LAMA2: variants seen among roughly 807,000 people sequenced by gnomAD.
LAMA2 encodes the protein laminin subunit alpha-2.
A neutral mutation model predicts 364.8 loss-of-function variants in LAMA2; 269 were observed. The ratio of observed to expected loss-of-function variants is 0.74; its 90% CI spans 0.67 to 0.82. The LOEUF is 0.82. LAMA2 is among the 40% of genes least tolerant of loss of function. LAMA2 has a pLI of 0.00. For missense variants in LAMA2, 3,807 were observed against 3,873.2 expected (o/e 0.98, Z 0.45); for synonymous variants, 1,379 against 1,370.6 (o/e 1.01, Z -0.14).
chr6:129,493,142 G>A (rs112672783), intron 58 of LAMA2, among the ~76,000 whole-genome samples: 4 of 152,104 alleles, frequency 2.6e-5, no homozygotes, highest in African/African-American at 7.2e-5. Flanking sequence ...GCAACAGAGC[G>A]AGACTCCATC....
intron 1 of LAMA2, among the ~76,000 whole-genome samples, chr6:128,888,886 G>A (rs1776293604): frequency 6.6e-6 from 1 of 152,206 alleles, no homozygotes; most frequent in Admixed American, 6.5e-5. Context: ...TAGACCAACA[G>A]TCCAAGCATA....
intron 1 of LAMA2, among the ~76,000 whole-genome samples, chr6:128,970,103 A>G (rs1199081776): frequency 6.6e-6 from 1 of 152,198 alleles, no homozygotes; most frequent in Non-Finnish European, 1.5e-5. Flanking sequence ...TTTATAAGTC[A>G]TAAGCTGCAA....
chr6:129,288,182 T>C, intron 19 of LAMA2, 124 bp downstream of exon 19: 2 of 800,414 alleles, frequency 2.5e-6, no homozygotes, highest in Non-Finnish European at 2.2e-6. Context: ...GATAGATGCA[T>C]AGAATATACA....
intron 1 of LAMA2, among the ~76,000 whole-genome samples, chr6:129,027,165 A>G (rs1304494765): frequency 6.6e-6 from 1 of 152,094 alleles, no homozygotes; most frequent in Non-Finnish European, 1.5e-5. Context: ...GTTTGTTTTA[A>G]TCATGTGGAA....
intron 1 of LAMA2, among the ~76,000 whole-genome samples, chr6:128,911,016 T>C (rs1777894034): frequency 6.6e-6 from 1 of 151,212 alleles, no homozygotes; most frequent in Admixed American, 6.6e-5. Context: ...AGCTGCGTAC[T>C]GGGAGAACCA....
chr6:129,430,697 G>A lies in LAMA2; in HGVS notation c.5968+2843G>A, dbSNP rs1485243633. On this transcript the variant is annotated intron_variant, in intron 41 of 64. Coordinates refer to ENST00000421865, the MANE Select transcript of LAMA2 (RefSeq NM_000426.4). ...AAATTTTTTAAGGCCGGGCGCAGTG[G>A]CTCATGCCCTGTAATTCCAGCATTT... is the stretch of plus-strand genomic sequence containing the variant. Among the ~76,000 whole-genome samples the A allele has an allele frequency of 2.0e-5, 3 of 152,144 alleles. No individual in the cohort carries two copies. The South Asian group carries it at 6.2e-4, about 32-fold the overall frequency.
chr6:129,270,752 G>A lies in LAMA2; in HGVS notation c.2450+1G>A, dbSNP rs760169730. 2 of 1,612,956 alleles carry A rather than the reference G, an allele frequency of 1.2e-6. No individual in the cohort carries two copies. Among genetic ancestry groups the A allele is most frequent in the Non-Finnish European group, 1.7e-6 (2 of 1,179,320 alleles). On this transcript the variant is annotated splice_donor_variant, in intron 17 of 64. Transcript: ENST00000421865. LOFTEE classifies it high-confidence loss of function. ...GTCCACTCAATATCCCATCCAATAA[G>A]TAAGTAACAAACTTACCCCATGAAT...
chr6:129,167,873 G>T (rs1353233134), intron 9 of LAMA2, among the ~76,000 whole-genome samples: 1 of 150,056 alleles, frequency 6.7e-6, no homozygotes, highest in Non-Finnish European at 1.5e-5. Flanking sequence ...GTGTGAGATG[G>T]TATCTCATTG....
At chr6:129,423,381 A>T (rs1196388256) in intron 40 of LAMA2, among the ~76,000 whole-genome samples, 1 of 152,066 alleles carries the variant, frequency 6.6e-6, no homozygotes, top group Non-Finnish European at 1.5e-5. Context: ...AAATGTTTTT[A>T]TTCACAGATA....
chr6:128,955,629 C>A (rs1413119066), intron 1 of LAMA2, among the ~76,000 whole-genome samples: 1 of 151,778 alleles, frequency 6.6e-6, no homozygotes, highest in Non-Finnish European at 1.5e-5. Context: ...CAGTTATGGG[C>A]GTTTGGATAC....
chr6:129,501,440 A>C (rs1024102500), intron 58 of LAMA2, among the ~76,000 whole-genome samples: 1 of 152,212 alleles, frequency 6.6e-6, no homozygotes, highest in African/African-American at 2.4e-5. Context: ...GGCATTTCAA[A>C]ACACTTTAAG....
intron 10 of LAMA2, among the ~76,000 whole-genome samples, chr6:129,179,348 A>G (rs1418719298): frequency 6.6e-6 from 1 of 152,194 alleles, no homozygotes; most frequent in East Asian, 1.9e-4. Flanking sequence ...TCTAGAATAT[A>G]TAAAATCAAA....
chr6:129,337,833 C>T (rs909409440), intron 29 of LAMA2, among the ~76,000 whole-genome samples: 3 of 152,014 alleles, frequency 2.0e-5, no homozygotes, highest in African/African-American at 7.2e-5. Context: ...CATTAGGCAT[C>T]CAAAATATAG....
intron 4 of LAMA2, among the ~76,000 whole-genome samples, chr6:129,099,787 A>T (rs772417670): frequency 1.8e-4 from 27 of 152,198 alleles, no homozygotes; most frequent in Non-Finnish European, 2.8e-4. Flanking sequence ...CAAAAATACC[A>T]GTTTTGGGGA....
intron 41 of LAMA2, among the ~76,000 whole-genome samples, chr6:129,434,474 A>G (rs1781744746): frequency 6.6e-6 from 1 of 152,164 alleles, no homozygotes; most frequent in South Asian, 2.1e-4. Context: ...TAGAATGACT[A>G]GGCTTCTGTT....
intron 3 of LAMA2, among the ~76,000 whole-genome samples, chr6:129,094,749 CT>C (rs1775068157): frequency 1.3e-5 from 2 of 151,894 alleles, no homozygotes; most frequent in African/African-American, 4.8e-5. Flanking sequence ...GAATATTTAC[CT>C]AGATTCTCTC....
intron 5 of LAMA2, among the ~76,000 whole-genome samples, chr6:129,144,291 TA>T (rs1316976358): frequency 3.9e-5 from 6 of 152,030 alleles, no homozygotes; most frequent in Non-Finnish European, 7.4e-5. Flanking sequence ...ATTACATGTG[TA>T]ACATTTATCA....
chr6:129,046,376 T>C (rs1787498366), intron 1 of LAMA2, among the ~76,000 whole-genome samples: 2 of 152,134 alleles, frequency 1.3e-5, no homozygotes, highest in African/African-American at 4.8e-5. Context: ...CTCACAATCA[T>C]GGTGGAAGGC....
chr6:128,989,611 C>T (rs936457018), intron 1 of LAMA2, among the ~76,000 whole-genome samples: 1 of 152,180 alleles, frequency 6.6e-6, no homozygotes, highest in African/African-American at 2.4e-5. Flanking sequence ...GGGCTTGGCA[C>T]ATAGTAGGTG....
Sources: gnomAD v4.1 joint callset for allele counts (sites outside exome capture counted in the v4.1 genomes callset) on GRCh38, gnomAD v4.1.1 for gene constraint, MANE v1.5 for transcripts, NCBI Gene and HGNC (gene_info 2026-07-23, HGNC 2026-07-21) for gene names.